RUFY4: variants seen among roughly 807,000 people sequenced by gnomAD.
RUFY4 encodes the protein RUN and FYVE domain-containing protein 4.
A neutral mutation model predicts 69.0 loss-of-function variants in RUFY4; 73 were observed. The ratio of observed to expected loss-of-function variants is 1.06; its 90% confidence interval spans 0.88 to 1.29. RUFY4 has a LOEUF of 1.29. Ranked by LOEUF, RUFY4 falls within the 50% of genes most tolerant of loss-of-function variation. The pLI, the probability that RUFY4 is intolerant of heterozygous loss-of-function variation, is 0.00. For missense variants in RUFY4, 770 were observed against 705.6 expected, an observed-to-expected ratio of 1.09 and a Z score of -1.03; for synonymous variants, 287 against 271.8, an observed-to-expected ratio of 1.06 and a Z score of -0.55.
chr2:218,061,117 C>A, intron 3 of RUFY4: 1 of 518,974 alleles, frequency 1.9e-6, no homozygotes. Flanking sequence ...CCAAGATGGG[C>A]AATGTCAGGG....
At chr2:218,054,642 T>G (rs1021493002) in intron 2 of RUFY4, among the ~76,000 whole-genome samples, 1 of 151,972 alleles carries the variant, frequency 6.6e-6, no homozygotes, top group African/African-American at 2.4e-5. Context: ...ATAAAACTGC[T>G]AATCAAAATC....
chr2:218,049,535 T>TCA (rs1688899409), intron 2 of RUFY4, among the ~76,000 whole-genome samples: 1 of 151,870 alleles, frequency 6.6e-6, no homozygotes, highest in African/African-American at 2.4e-5. Context: ...AGATGGAGTT[T>TCA]CACTCTTGTT....
At chr2:218,082,807 G>C (rs1052223634) in intron 8 of RUFY4, among the ~76,000 whole-genome samples, 2 of 147,918 alleles carry the variant, frequency 1.4e-5, no homozygotes, top group Admixed American at 1.4e-4. Flanking sequence ...GTTGAGATGT[G>C]TCGTGTGTTG....
Position 218,039,328 on chromosome 2 carries a change from G to A in RUFY4, c.-1158+3934G>A, listed in dbSNP as rs57200345. Among the ~76,000 whole-genome samples the A allele has an allele frequency of 7.8e-3, 1,185 of 152,272 alleles. 7 individuals carry two copies. Among genetic ancestry groups the A allele is most frequent in the African/African-American group, 0.027 (1,134 of 41,542 alleles). ...GGCAGACCAGGTGGGCTGTGTGTTC[G>A]GGCATACCTGTGGTATGAGTGTGTG... On this transcript the variant is annotated intron_variant and NMD_transcript_variant, in intron 2 of 13. Transcript: ENST00000457754.
At chr2:218,082,483 T>C (rs939519460) in intron 8 of RUFY4, among the ~76,000 whole-genome samples, 4 of 152,178 alleles carry the variant, frequency 2.6e-5, no homozygotes, top group Admixed American at 2.6e-4. Context: ...AAATGTTGGC[T>C]CATCCCCTCC....
intron 8 of RUFY4, among the ~76,000 whole-genome samples, chr2:218,080,674 C>G (rs1689740821): frequency 6.6e-6 from 1 of 152,224 alleles, no homozygotes; most frequent in Admixed American, 6.5e-5. Flanking sequence ...GGATGGGGAA[C>G]TAGGCAGATG....
At chr2:218,060,453 A>G in intron 3 of RUFY4, 2 of 1,451,944 alleles carry the variant, frequency 1.4e-6, no homozygotes, top group African/African-American at 1.4e-5. Context: ...TGAGAAGTCC[A>G]TGGCAAAACT....
chr2:218,059,259 T>C (rs1354527941), intron 3 of RUFY4: 2 of 152,536 alleles, frequency 1.3e-5, no homozygotes, highest in African/African-American at 2.4e-5. Context: ...TTCTTTTTAA[T>C]TGAGGTAAAA....
At chr2:218,041,391 A>C (rs55887326) in intron 2 of RUFY4, among the ~76,000 whole-genome samples, 1 of 152,052 alleles carries the variant, frequency 6.6e-6, no homozygotes, top group Non-Finnish European at 1.5e-5. Context: ...TGACATCTTA[A>C]CAGTATTGCG....
Position 218,073,482 on chromosome 2 carries a change from C to G in RUFY4, c.530+96C>G, listed in dbSNP as rs981668221. ...AGCCCCAAGCCCTCAGCCTCCAGCC[C>G]CATCTGTCTCTGCCTCCTTTTGCTC... is the stretch of plus-strand genomic sequence containing the variant. On this transcript the variant is annotated intron_variant, in intron 5 of 10. Transcript: ENST00000344321. 9 of 1,480,380 alleles carry G rather than the reference C, an allele frequency of 6.1e-6. No individual in the cohort carries two copies. In the African/African-American group the frequency reaches 1.3e-4, roughly 21 times the overall value. 91.7% of individuals were successfully genotyped at this position (1,480,380 alleles called of 1,614,324 possible).
chr2:218,061,431 C>T (rs1559426916), intron 3 of RUFY4: 1 of 225,594 alleles, frequency 4.4e-6, no homozygotes, highest in Non-Finnish European at 8.9e-6. Context: ...AAACTTAAAT[C>T]CTGGCCTATA....
At chr2:218,064,895 G>C (rs1470677954), upstream of RUFY4, among the ~76,000 whole-genome samples, 1 of 151,922 alleles carries the variant, frequency 6.6e-6, no homozygotes, top group Non-Finnish European at 1.5e-5. Context: ...TCCCCTGCAG[G>C]GAGCCCAGCC....
chr2:218,072,389 C>A, exon 3 of RUFY4: 1 of 1,537,352 alleles, frequency 6.5e-7, no homozygotes, highest in Non-Finnish European at 8.7e-7. Context: ...CCAGAAAGAG[C>A]AGAAGAGCTT....
At chr2:218,079,586 G>A (rs753652921) in intron 8 of RUFY4, among the ~76,000 whole-genome samples, 1 of 152,046 alleles carries the variant, frequency 6.6e-6, no homozygotes, top group Non-Finnish European at 1.5e-5. Flanking sequence ...GGAAGTGTGC[G>A]CTGGGAGATC....
chr2:218,050,220 G>A (rs1372520487), intron 2 of RUFY4, among the ~76,000 whole-genome samples: 1 of 152,168 alleles, frequency 6.6e-6, no homozygotes, highest in Non-Finnish European at 1.5e-5. Flanking sequence ...GTCCGCTCCT[G>A]CAGCTGAGAG....
At chr2:218,060,371 A>G in intron 3 of RUFY4, 1 of 1,547,438 alleles carries the variant, frequency 6.5e-7, no homozygotes, top group Non-Finnish European at 8.7e-7. Context: ...CCTGAAGAAG[A>G]GCCAACAAAG....
chr2:218,082,788 G>A (rs924972165), intron 8 of RUFY4, among the ~76,000 whole-genome samples: 6 of 147,424 alleles, frequency 4.1e-5, no homozygotes, highest in Admixed American at 6.8e-5. Context: ...TTGTGTGTGC[G>A]TTAAGTCTGT....
intron 2 of RUFY4, 32 bp downstream of exon 4, chr2:218,070,891 C>G (rs1689470658): frequency 1.4e-6 from 2 of 1,470,894 alleles, no homozygotes; most frequent in Admixed American, 2.2e-5. Context: ...CCCCATCCCT[C>G]TCCCCAGACC....
intron 9 of RUFY4, among the ~76,000 whole-genome samples, chr2:218,084,672 A>G (rs1341529356): frequency 1.3e-5 from 2 of 152,212 alleles, no homozygotes; most frequent in Admixed American, 6.5e-5. Context: ...TAAAAAGTGA[A>G]GTATTGACCT....
Sources: gnomAD v4.1 joint callset for allele counts (sites outside exome capture counted in the v4.1 genomes callset) on GRCh38, gnomAD v4.1.1 for gene constraint, MANE v1.5 for transcripts, NCBI Gene and HGNC (gene_info 2026-07-23, HGNC 2026-07-21) for gene names.